The following MAST4 variants were observed in gnomAD, a reference collection of about 807,000 sequenced individuals.
MAST4 encodes microtubule-associated serine/threonine-protein kinase 4.
Under a neutral mutation model 162.7 loss-of-function variants are expected in MAST4, and 89 were observed. The observed-to-expected ratio is 0.55, with a 90% CI of 0.46 to 0.65. The LOEUF (loss-of-function observed/expected upper bound fraction) is 0.65, where lower values mean the gene tolerates loss of function less well. MAST4 is among the 30% of genes least tolerant of loss of function. MAST4 has a pLI of 0.00. For synonymous variants in MAST4, 1,479 were observed against 1,361.1 expected, an observed-to-expected ratio of 1.09 and a Z score of -1.91; for missense variants, 3,153 against 3,374.0, an observed-to-expected ratio of 0.93 and a Z score of 1.62.
intron 4 of MAST4, among the ~76,000 whole-genome samples, chr5:66,990,780 T>C (rs1749989695): frequency 6.6e-6 from 1 of 152,214 alleles, no homozygotes; most frequent in African/African-American, 2.4e-5. Flanking sequence ...ACTTGACTTG[T>C]AAGCTTATAG....
chr5:67,156,110 C>T (rs546424977), intron 26 of MAST4, among the ~76,000 whole-genome samples: 16 of 150,874 alleles, frequency 1.1e-4, no homozygotes, highest in African/African-American at 3.4e-4. Flanking sequence ...ATGGGGCAAG[C>T]GCTCTTGATG....
At chr5:66,748,444 T>TCTCCCTCA (rs1752918957) in intron 1 of MAST4, among the ~76,000 whole-genome samples, 1 of 96,000 alleles carries the variant, frequency 1.0e-5, no homozygotes, top group African/African-American at 4.3e-5. Flanking sequence ...TCCCTCCCTC[T>TCTCCCTCA]CTCCCTCACT....
In MAST4 at chr5:67,100,510, A is replaced by G. The variant is rs1764912884; in HGVS notation, c.988A>G (p.Lys330Glu). The G allele has an allele frequency of 6.2e-7, 1 of 1,613,822 alleles. No homozygotes were observed. Among genetic ancestry groups the G allele is most frequent in the Admixed American group, 1.7e-5 (1 of 60,006 alleles). The change falls in exon 8 of 29, where the codon AAA becomes GAA. Residue 330 changes from lysine to glutamate, a missense_variant. Coordinates refer to ENST00000403625, the MANE Select transcript of MAST4 (RefSeq NM_001164664.2). ...PTPDELHFLS[K>E]HFCTTESIAT... ...ACCAGACGAGTTACACTTCTTATCAAAACATTTCTGTACCACCGAAAGCAT... is the reference window on the plus strand; with the variant it reads ...ACCAGACGAGTTACACTTCTTATCAGAACATTTCTGTACCACCGAAAGCAT...
intron 4 of MAST4, among the ~76,000 whole-genome samples, chr5:66,922,345 T>A (rs1764595492): frequency 6.6e-6 from 1 of 152,202 alleles, no homozygotes; most frequent in African/African-American, 2.4e-5. Flanking sequence ...TCTCTGTGCC[T>A]TAAAGAGAAA....
In MAST4 at chr5:66,608,363, T is replaced by A. The variant is rs1237175377; in HGVS notation, c.363+11345T>A. Reference sequence around the variant, plus strand: ...GAACCACTGTGCCTGGCCTTTTTTTTTTTTTTTTTTTTTTTTTTTTTTTGA... The same window carrying A: ...GAACCACTGTGCCTGGCCTTTTTTTATTTTTTTTTTTTTTTTTTTTTTTGA... On this transcript the variant is annotated intron_variant, in intron 1 of 28. Coordinates refer to ENST00000403625, the MANE Select transcript of MAST4 (RefSeq NM_001164664.2). Among the ~76,000 whole-genome samples the A allele has an allele frequency of 6.7e-5, 9 of 133,796 alleles. No individual in the cohort carries two copies. In the East Asian group the frequency reaches 1.9e-3, roughly 28 times the overall value. The allele number at this position is 133,796 out of a possible 152,430, so 87.8% of individuals were successfully genotyped here. A position where few individuals can be genotyped will look rare whatever the true frequency, so the allele number is the denominator to read the frequency against.
In MAST4 at chr5:66,645,303, G is replaced by A. The variant is rs570387769; in HGVS notation, c.363+48285G>A. ...GTTTCTGTTACTCTGTCTGTTGTTT[G>A]CATAGGCACACTGATTCTTATAGAC... On this transcript the variant is annotated intron_variant, in intron 1 of 28. Coordinates refer to ENST00000403625, the MANE Select transcript of MAST4 (RefSeq NM_001164664.2). 3.5e-3 allele frequency among the ~76,000 whole-genome samples: 528 copies of A among 152,278 alleles called. 3 individuals carry two copies. Among genetic ancestry groups the A allele is most frequent in the African/African-American group, 0.012 (496 of 41,560 alleles).
At chr5:66,753,296 A>G (rs1429713564) in intron 1 of MAST4, among the ~76,000 whole-genome samples, 5 of 152,206 alleles carry the variant, frequency 3.3e-5, no homozygotes, top group Admixed American at 6.5e-5. Flanking sequence ...AGAAATAACT[A>G]AAATCGAGCA....
intron 4 of MAST4, among the ~76,000 whole-genome samples, chr5:67,046,371 A>G (rs1490256640): frequency 6.6e-6 from 1 of 152,196 alleles, no homozygotes; most frequent in Non-Finnish European, 1.5e-5. Flanking sequence ...TTTATTGTTT[A>G]TGAAAATGTG....
chr5:66,804,027 T>A (rs1431925882), intron 3 of MAST4, among the ~76,000 whole-genome samples: 1 of 152,150 alleles, frequency 6.6e-6, no homozygotes, highest in Non-Finnish European at 1.5e-5. Flanking sequence ...GTGCTTTTTC[T>A]ACATTTATTG....
chr5:66,609,746 G>A lies in MAST4; in HGVS notation c.363+12728G>A, dbSNP rs754476461. 5.0e-4 allele frequency among the ~76,000 whole-genome samples: 73 copies of A among 146,340 alleles called. 1 individual carries two copies. Among genetic ancestry groups the A allele is most frequent in the East Asian group, 2.0e-4 (1 of 4,906 alleles). On this transcript the variant is annotated intron_variant, in intron 1 of 28. Coordinates refer to ENST00000403625, the MANE Select transcript of MAST4 (RefSeq NM_001164664.2). ...TTTGTTTTTAAAACAAAGGCAGACA[G>A]TTCTCAGTTCTGGACTAAGCTATTG... is the stretch of plus-strand genomic sequence containing the variant.
At chr5:66,833,908 G>C (rs1561364740) in intron 3 of MAST4, among the ~76,000 whole-genome samples, 1 of 152,134 alleles carries the variant, frequency 6.6e-6, no homozygotes, top group South Asian at 2.1e-4. Context: ...TCTGTAACTT[G>C]TGTTAAGTTT....
intron 4 of MAST4, among the ~76,000 whole-genome samples, chr5:67,003,180 C>G (rs570877439): frequency 1.3e-5 from 2 of 151,912 alleles, no homozygotes; most frequent in Non-Finnish European, 2.9e-5. Flanking sequence ...TCATTAATAT[C>G]TATTGAAGTG....
At chr5:67,028,488 A>G (rs1218593903) in intron 4 of MAST4, among the ~76,000 whole-genome samples, 1 of 152,110 alleles carries the variant, frequency 6.6e-6, no homozygotes, top group Non-Finnish European at 1.5e-5. Flanking sequence ...GAGTTAGAGC[A>G]AGCATCACGG....
In MAST4 at chr5:66,917,926, G is replaced by A. The variant is rs187925084; in HGVS notation, c.674+17944G>A. 2.4e-3 allele frequency among the ~76,000 whole-genome samples: 362 copies of A among 152,000 alleles called. 1 individual carries two copies. Among genetic ancestry groups the A allele is most frequent in the African/African-American group, 8.0e-3 (331 of 41,478 alleles). On this transcript the variant is annotated intron_variant, in intron 4 of 28. Coordinates refer to ENST00000403625, the MANE Select transcript of MAST4 (RefSeq NM_001164664.2). ...AATTTAAAATTGAAGGCGTTTTATC[G>A]TAAATGCTTTTAAAATGAAAGGTAA...
intron 24 of MAST4, among the ~76,000 whole-genome samples, chr5:67,152,085 T>G (rs74901968): frequency 0.18 from 27,358 of 152,214 alleles, 3,287 homozygotes; most frequent in Non-Finnish European, 0.27. Flanking sequence ...AATTCTTTAA[T>G]CAGTATTCAT....
At chr5:67,022,744 A>C (rs1240690113) in intron 4 of MAST4, among the ~76,000 whole-genome samples, 1 of 152,234 alleles carries the variant, frequency 6.6e-6, no homozygotes, top group Non-Finnish European at 1.5e-5. Flanking sequence ...GTTAATGCAC[A>C]TTCCAAGGTC....
At chr5:66,929,876 G>A (rs184757619) in intron 4 of MAST4, among the ~76,000 whole-genome samples, 1 of 152,282 alleles carries the variant, frequency 6.6e-6, no homozygotes, top group Non-Finnish European at 1.5e-5. Flanking sequence ...TGATGATTTG[G>A]TAGCTACCAA....
intron 4 of MAST4, among the ~76,000 whole-genome samples, chr5:66,990,336 C>G (rs1256430174): frequency 6.6e-6 from 1 of 152,030 alleles, no homozygotes; most frequent in Non-Finnish European, 1.5e-5. Context: ...CTATAATAAA[C>G]CTCAGAAATA....
At chr5:67,077,241 C>T (rs1215542728) in intron 5 of MAST4, among the ~76,000 whole-genome samples, 1 of 151,962 alleles carries the variant, frequency 6.6e-6, no homozygotes, top group African/African-American at 2.4e-5. Context: ...AACTTGAATG[C>T]ACACTGGAGT....
Sources: gnomAD v4.1 joint callset for allele counts (sites outside exome capture counted in the v4.1 genomes callset) on GRCh38, gnomAD v4.1.1 for gene constraint, MANE v1.5 for transcripts, NCBI Gene and HGNC (gene_info 2026-07-23, HGNC 2026-07-21) for gene names.